Variants in CHRM3 observed in about 807,000 individuals in gnomAD.
CHRM3 encodes the protein muscarinic acetylcholine receptor M3.
CHRM3 carries 11 observed loss-of-function variants against 41.8 expected under a neutral mutation model. The observed-to-expected ratio is 0.26, with a 90% confidence interval of 0.17 to 0.44. CHRM3 has a LOEUF of 0.44. CHRM3 is among the 20% of genes least tolerant of loss of function. The probability of loss-of-function intolerance (pLI) is 1.00; values close to 1 mark genes in which losing one functional copy is unlikely to be tolerated. For missense variants in CHRM3, 571 were observed against 745.4 expected (o/e 0.77, Z 2.72); for synonymous variants, 297 against 301.4 (o/e 0.99, Z 0.15).
rs190457434 is a variant in CHRM3, at chr1:239,811,198, A to T, written c.-146-16054A>T. Among the ~76,000 whole-genome samples, 494 of 152,336 alleles carry T rather than the reference A, an allele frequency of 3.2e-3. 3 individuals carry two copies. The highest frequency in any genetic ancestry group is 0.031 in the Middle Eastern group (9 of 294). On this transcript the variant is annotated intron_variant, in intron 5 of 6. Coordinates refer to ENST00000676153, the MANE Select transcript of CHRM3 (RefSeq NM_001375978.1). ...TGCTGTGACTGGAGAGCAGACCCAC[A>T]CAATGAGGTTCATGCGTTTTGTGTT...
intron 5 of CHRM3, among the ~76,000 whole-genome samples, chr1:239,687,165 G>A (rs1372104974): frequency 6.6e-6 from 1 of 151,444 alleles, no homozygotes; most frequent in Non-Finnish European, 1.5e-5. Context: ...ATAATAAAAT[G>A]GTAGCTATGT....
chr1:239,819,729 A>G (rs974195531), intron 5 of CHRM3, among the ~76,000 whole-genome samples: 1 of 152,242 alleles, frequency 6.6e-6, no homozygotes, highest in African/African-American at 2.4e-5. Context: ...CAGACCTGCT[A>G]AATCAAAATG....
chr1:239,615,500 CA>C (rs1470990385), intron 3 of CHRM3, among the ~76,000 whole-genome samples: 1 of 152,090 alleles, frequency 6.6e-6, no homozygotes, highest in East Asian at 1.9e-4. Flanking sequence ...GAAGACCAGG[CA>C]GTAGCTTTGG....
At chr1:239,796,978 A>G (rs1183424068) in intron 5 of CHRM3, among the ~76,000 whole-genome samples, 2 of 152,188 alleles carry the variant, frequency 1.3e-5, no homozygotes, top group Non-Finnish European at 2.9e-5. Flanking sequence ...ACCTTACACT[A>G]CACTGATATG....
At chr1:239,690,451 G>A (rs998620355) in intron 5 of CHRM3, among the ~76,000 whole-genome samples, 7 of 151,760 alleles carry the variant, frequency 4.6e-5, no homozygotes, top group South Asian at 2.1e-4. Flanking sequence ...GGATGGTCTC[G>A]ATCTCCTGAC....
intron 1 of CHRM3, among the ~76,000 whole-genome samples, chr1:239,436,590 G>C (rs1663289969): frequency 6.6e-6 from 1 of 151,714 alleles, no homozygotes; most frequent in African/African-American, 2.4e-5. Context: ...AACAGCCAAG[G>C]GATAGTCACC....
chr1:239,460,105 A>T (rs1404548542), intron 1 of CHRM3, among the ~76,000 whole-genome samples: 1 of 152,174 alleles, frequency 6.6e-6, no homozygotes, highest in Non-Finnish European at 1.5e-5. Context: ...AAACAATCAT[A>T]GTCCGGCTCC....
intron 3 of CHRM3, among the ~76,000 whole-genome samples, chr1:239,571,777 C>A (rs1233449330): frequency 6.6e-6 from 1 of 152,136 alleles, no homozygotes; most frequent in Non-Finnish European, 1.5e-5. Context: ...ATGAAAGGGG[C>A]CAGAGCTCCA....
At chr1:239,491,110 C>T (rs932673570) in intron 1 of CHRM3, among the ~76,000 whole-genome samples, 1 of 152,148 alleles carries the variant, frequency 6.6e-6, no homozygotes, top group Non-Finnish European at 1.5e-5. Flanking sequence ...TATTTCCATA[C>T]ATTTATACAA....
rs139005878 is a variant in CHRM3 at position 239,535,609 on chromosome 1, G to A, written c.-421-10032G>A. On this transcript the variant is annotated intron_variant, in intron 2 of 6. Transcript: ENST00000676153. ...GTTAGTAAATTATTCAGGCTTTTGT[G>A]TTGCTCTTGAGTTTTGGTTAGGCCT... Among the ~76,000 whole-genome samples, 502 of 151,582 alleles carry A rather than the reference G, an allele frequency of 3.3e-3. 3 individuals are homozygous for A. The highest frequency in any genetic ancestry group is 0.024 in the Middle Eastern group (7 of 294).
intron 3 of CHRM3, among the ~76,000 whole-genome samples, chr1:239,613,775 T>C (rs1667322632): frequency 6.6e-6 from 1 of 152,028 alleles, no homozygotes; most frequent in Non-Finnish European, 1.5e-5. Context: ...TTTCACCTTC[T>C]GTGTCTCTGT....
chr1:239,693,751 G>A (rs138166305), intron 5 of CHRM3, among the ~76,000 whole-genome samples: 5 of 152,278 alleles, frequency 3.3e-5, no homozygotes, highest in South Asian at 2.1e-4. Flanking sequence ...TAGTTTGACC[G>A]TGTCTTATTA....
intron 1 of CHRM3, among the ~76,000 whole-genome samples, chr1:239,470,490 G>C (rs1366368873): frequency 1.2e-4 from 19 of 152,192 alleles, no homozygotes; most frequent in Admixed American, 1.2e-3. Context: ...CCTTGGATCT[G>C]GGTTGTGGAG....
At chr1:239,456,272 A>G (rs1330637054) in intron 1 of CHRM3, among the ~76,000 whole-genome samples, 3 of 152,194 alleles carry the variant, frequency 2.0e-5, no homozygotes, top group Non-Finnish European at 4.4e-5. Flanking sequence ...ACCCAGAGCA[A>G]CTTCCAATCC....
At chr1:239,818,980 G>A (rs1000374917) in intron 5 of CHRM3, among the ~76,000 whole-genome samples, 16 of 152,188 alleles carry the variant, frequency 1.1e-4, no homozygotes, top group Non-Finnish European at 2.9e-5. Context: ...ATGTGATACT[G>A]AACACAAGTG....
rs866883001 is a variant in CHRM3, at chr1:239,908,794, G to A, written c.1343G>A (p.Gly448Asp). The change falls in exon 7 of 7, where the codon GGT becomes GAT. Residue 448 changes from glycine to aspartate, a missense_variant. Physicochemically the swap from Gly to Asp is moderately conservative, Grantham distance 94. Around this residue, in one of 5 missense-constraint regions of CHRM3, gnomAD observed 239 missense variants for 239.6 expected, o/e 1.00. Transcript: ENST00000676153. This position sits in a 1 kb window ranked among gnomAD's most constrained non-coding sequence, Gnocchi z 7.2. ...AKTSDVNSSV[G>D]KSTATLPLSF... ...ACTTCTGACGTCAACTCCTCAGTGG[G>A]TAAGAGCACGGCCACTCTACCTCTG... The A allele has an allele frequency of 1.2e-6, 2 of 1,614,102 alleles. No homozygotes were observed. Among genetic ancestry groups the A allele is most frequent in the Non-Finnish European group, 1.7e-6 (2 of 1,180,036 alleles).
At chr1:239,493,950 G>A (rs1667719517) in intron 2 of CHRM3, among the ~76,000 whole-genome samples, 1 of 152,150 alleles carries the variant, frequency 6.6e-6, no homozygotes, top group Non-Finnish European at 1.5e-5. Context: ...ATATGAGACA[G>A]CAATCTTTTA....
chr1:239,585,067 A>ATATG (rs1325634166), intron 3 of CHRM3, among the ~76,000 whole-genome samples: 2 of 149,980 alleles, frequency 1.3e-5, no homozygotes, highest in African/African-American at 4.9e-5. Flanking sequence ...ATATATATAT[A>ATATG]TATATATGTA....
intron 1 of CHRM3, among the ~76,000 whole-genome samples, chr1:239,420,428 G>A (rs1661862545): frequency 6.6e-6 from 1 of 152,124 alleles, no homozygotes. Flanking sequence ...TTCCACCTAG[G>A]AAATTTGGAT....
Sources: gnomAD v4.1 joint callset for allele counts (sites outside exome capture counted in the v4.1 genomes callset) on GRCh38, gnomAD v4.1.1 for gene constraint, gnomAD v4.1.1 regional missense constraint, Gnocchi (gnomAD v3.1) non-coding constraint, MANE v1.5 for transcripts, NCBI Gene and HGNC (gene_info 2026-07-23, HGNC 2026-07-21) for gene names.